The following ZMAT5 variants were observed in gnomAD, a reference collection of about 807,000 sequenced individuals.
The protein encoded by ZMAT5 is zinc finger matrin-type protein 5.
ZMAT5 carries 23 observed loss-of-function variants against 28.0 expected under a neutral mutation model. The ratio of observed to expected loss-of-function variants is 0.82; its 90% CI spans 0.59 to 1.16. The LOEUF (loss-of-function observed/expected upper bound fraction) is 1.16. Ranked by LOEUF, ZMAT5 falls within the 50% of genes most tolerant of loss-of-function variation. The probability of loss-of-function intolerance (pLI) is 0.00; values close to 1 mark genes in which losing one functional copy is unlikely to be tolerated. For synonymous variants in ZMAT5, 76 were observed against 84.1 expected (o/e 0.90, Z 0.52); for missense variants, 173 against 212.7 (o/e 0.81, Z 1.16).
chr22:29,759,310 C>G (rs112037241), intron 1 of ZMAT5, among the ~76,000 whole-genome samples: 142 of 152,312 alleles, frequency 9.3e-4, no homozygotes, highest in African/African-American at 3.4e-3. Flanking sequence ...GATCCTCTAT[C>G]TCCACTGTCA....
intron 5 of ZMAT5, among the ~76,000 whole-genome samples, 158 bp downstream of exon 5, chr22:29,738,172 G>A (rs1397791149): frequency 2.0e-5 from 3 of 152,158 alleles, no homozygotes; most frequent in Admixed American, 2.0e-4. Context: ...GCCAGGGCCT[G>A]GGGCCCCAAG....
chr22:29,731,523 C>T, intron 5 of ZMAT5, 169 bp from the exon 6 acceptor site: 2 of 826,770 alleles, frequency 2.4e-6, no homozygotes, highest in Admixed American at 4.1e-5. Context: ...AGCCAGCGAC[C>T]TCACCTCTAG....
intron 5 of ZMAT5, among the ~76,000 whole-genome samples, chr22:29,735,613 G>GT (rs1321759322): frequency 6.6e-6 from 1 of 152,198 alleles, no homozygotes; most frequent in Non-Finnish European, 1.5e-5. Context: ...TCTCTCTCAA[G>GT]TGAGGGCTAA....
At chr22:29,737,909 A>G (rs1419907116) in intron 5 of ZMAT5, among the ~76,000 whole-genome samples, 2 of 151,572 alleles carry the variant, frequency 1.3e-5, no homozygotes, top group African/African-American at 4.8e-5. Context: ...ACGCCTGTGC[A>G]ATCCCGGCTC....
intron 5 of ZMAT5, among the ~76,000 whole-genome samples, chr22:29,735,102 C>G (rs1307213177): frequency 6.6e-6 from 1 of 152,126 alleles, no homozygotes; most frequent in Non-Finnish European, 1.5e-5. Context: ...AATCCACCCC[C>G]TCCCATTAAG....
chr22:29,752,890 C>T (rs1393064729), intron 1 of ZMAT5, among the ~76,000 whole-genome samples: 2 of 152,158 alleles, frequency 1.3e-5, no homozygotes, highest in Admixed American at 6.5e-5. Flanking sequence ...CAGTGTCAGG[C>T]CAGGGAGACC....
chr22:29,736,992 C>T (rs1177930694), intron 5 of ZMAT5, among the ~76,000 whole-genome samples: 1 of 149,592 alleles, frequency 6.7e-6, no homozygotes, highest in Non-Finnish European at 1.5e-5. Flanking sequence ...CACCACTGTA[C>T]TCCAGCCTGG....
At chr22:29,734,305 G>T (rs1421945256) in intron 5 of ZMAT5, among the ~76,000 whole-genome samples, 5 of 152,190 alleles carry the variant, frequency 3.3e-5, no homozygotes, top group Non-Finnish European at 7.4e-5. Context: ...TTACAAGGAG[G>T]GCTGGCCTGG....
chr22:29,758,479 T>C (rs1327722698), intron 1 of ZMAT5, among the ~76,000 whole-genome samples: 1 of 151,940 alleles, frequency 6.6e-6, no homozygotes, highest in Non-Finnish European at 1.5e-5. Flanking sequence ...TTAAATTAGC[T>C]GGGTGTGGTG....
chr22:29,735,834 C>G (rs1311565024), intron 5 of ZMAT5, among the ~76,000 whole-genome samples: 1 of 152,208 alleles, frequency 6.6e-6, no homozygotes, highest in East Asian at 1.9e-4. Flanking sequence ...ACCCTAGTCC[C>G]CCAAGTCTCA....
chr22:29,763,300 A>C (rs1601733133), intron 1 of ZMAT5, among the ~76,000 whole-genome samples: 1 of 112,426 alleles, frequency 8.9e-6, no homozygotes, highest in Non-Finnish European at 2.0e-5. Flanking sequence ...CTCAATAAAT[A>C]AATAAATAAA....
chr22:29,731,242 T>C lies in ZMAT5; in HGVS notation c.496A>G (p.Arg166Gly), dbSNP rs1427123851. 1.1e-5 allele frequency: 16 copies of C among 1,508,630 alleles called. No homozygotes were observed. Among genetic ancestry groups the C allele is most frequent in the Non-Finnish European group, 1.4e-5 (16 of 1,142,092 alleles). The allele number at this position is 1,508,630 out of a possible 1,614,324, so 93.5% of individuals were successfully genotyped here. A position where few individuals can be genotyped will look rare whatever the true frequency, so the allele number is the denominator to read the frequency against. Residue 166 changes from arginine (R) to glycine (G), a missense_variant, in exon 6 of 6, where the codon AGA becomes GGA. Coordinates refer to ENST00000344318, the MANE Select transcript of ZMAT5 (RefSeq NM_001003692.2). ...PPPGGWPLQP[R>G]VQWG ...CAAGGGGCTCAGCCCCACTGGACTC[T>C]GGGCTGCAGAGGCCACCCCCCAGGT...
At chr22:29,764,919 G>C (rs1457578478) in intron 1 of ZMAT5, among the ~76,000 whole-genome samples, 1 of 152,094 alleles carries the variant, frequency 6.6e-6, no homozygotes, top group Non-Finnish European at 1.5e-5. Context: ...ATAGGTGTGA[G>C]GCACCATCCC....
At chr22:29,757,045 T>A (rs1466794557) in intron 1 of ZMAT5, among the ~76,000 whole-genome samples, 1 of 151,148 alleles carries the variant, frequency 6.6e-6, no homozygotes, top group African/African-American at 2.4e-5. Context: ...TCAAAAAATA[T>A]ATATATTTTT....
At chr22:29,743,352 G>T (rs2147222956) in intron 2 of ZMAT5, among the ~76,000 whole-genome samples, 1 of 152,274 alleles carries the variant, frequency 6.6e-6, no homozygotes, top group East Asian at 1.9e-4. Flanking sequence ...GCCGCGGACA[G>T]GACTTCCGAC....
chr22:29,748,368 G>C (rs1322704170), intron 2 of ZMAT5, 50 bp downstream of exon 2: 2 of 1,613,118 alleles, frequency 1.2e-6, no homozygotes, highest in African/African-American at 1.3e-5. Flanking sequence ...TGATAAGAAA[G>C]ATCAGAGAGC....
intron 4 of ZMAT5, among the ~76,000 whole-genome samples, chr22:29,738,790 G>A (rs748157316): frequency 2.6e-5 from 4 of 152,082 alleles, no homozygotes; most frequent in Non-Finnish European, 5.9e-5. Flanking sequence ...GATCACCTGA[G>A]TCCAGGAGTT....
intron 1 of ZMAT5, among the ~76,000 whole-genome samples, chr22:29,758,342 G>A (rs753178895): frequency 3.7e-4 from 56 of 152,238 alleles, no homozygotes; most frequent in South Asian, 1.7e-3. Flanking sequence ...TAGGTTGGAC[G>A]CAGTGGTTCA....
Position 29,740,732 on chromosome 22 carries a change from T to A in ZMAT5, c.191-2A>T, listed in dbSNP as rs1038875803. 42 of 1,591,618 alleles carry A rather than the reference T, an allele frequency of 2.6e-5. No homozygotes were observed. The highest frequency in any genetic ancestry group is 3.6e-5 in the Non-Finnish European group (42 of 1,169,170). On this transcript the variant is annotated splice_acceptor_variant, in intron 3 of 5. Coordinates refer to ENST00000344318, the MANE Select transcript of ZMAT5 (RefSeq NM_001003692.2). LOFTEE classifies it high-confidence loss of function. ...AGTTGGAGCCAAAGTCGCACTGGCC[T>A]GCAGCAGGAAGACAGAGTTACTCGC...
Sources: allele counts gnomAD v4.1 joint callset (sites outside exome capture counted in the v4.1 genomes callset), GRCh38; gene constraint gnomAD v4.1.1; transcripts MANE v1.5; gene names NCBI Gene and HGNC (gene_info 2026-07-23, HGNC 2026-07-21).